The following MAST3 variants were observed in gnomAD, a reference collection of about 807,000 sequenced individuals.
MAST3 encodes the protein microtubule-associated serine/threonine-protein kinase 3.
MAST3 carries 43 observed loss-of-function variants against 127.0 expected under a neutral mutation model. That is an observed-to-expected ratio of 0.34 (90% CI 0.27 to 0.44). MAST3 has a LOEUF of 0.44. Among genes scored for constraint, MAST3 ranks in the 20% least tolerant of loss-of-function variants. The pLI is 1.00. For synonymous variants in MAST3, 785 were observed against 809.2 expected, an observed-to-expected ratio of 0.97 and a Z score of 0.51; for missense variants, 1,390 against 1,919.1, an observed-to-expected ratio of 0.72 and a Z score of 5.15.
At chr19:18,100,310 G>C (rs189989527) in intron 1 of MAST3, among the ~76,000 whole-genome samples, 146 of 151,860 alleles carry the variant, frequency 9.6e-4, no homozygotes, top group African/African-American at 3.4e-3. Flanking sequence ...ATTTTTAGTA[G>C]AGACGGGGTT....
At position 18,124,932 on chromosome 19, in the gene MAST3, C is replaced by CCCG. The variant is rs386388671; in HGVS notation, c.1078+160_1078+161insGCC. 6.9e-4 allele frequency among the ~76,000 whole-genome samples: 11 copies of CCCG among 15,952 alleles called. No individual in the cohort carries two copies. In the East Asian group the frequency reaches 7.7e-3, roughly 11 times the overall value. The allele number at this position is 15,952 out of a possible 152,430, so 10.5% of individuals were successfully genotyped here. Reference sequence around the variant, plus strand: ...ACCAGCCTGGCCAACATGGTGGAAACCCCCCCCCTACTAAAAATACAAAAA... The same window carrying CCCG: ...ACCAGCCTGGCCAACATGGTGGAAACCCGCCCCCCCCTACTAAAAATACAAAAA... On this transcript the variant is annotated intron_variant, in intron 11 of 27. Coordinates refer to ENST00000687212, the MANE Select transcript of MAST3 (RefSeq NM_001393504.1).
At chr19:18,139,482 G>A (rs1568599505) in intron 20 of MAST3, among the ~76,000 whole-genome samples, 1 of 151,628 alleles carries the variant, frequency 6.6e-6, no homozygotes, top group East Asian at 1.9e-4. Context: ...ATGCCGTCAC[G>A]CCCAGCTAAT....
intron 25 of MAST3, 147 bp downstream of exon 25, chr19:18,146,012 A>AATAC: frequency 9.7e-7 from 1 of 1,030,906 alleles, no homozygotes; most frequent in Non-Finnish European, 1.3e-6. Flanking sequence ...TTCGGCCCAG[A>AATAC]ATACATGTCC....
rs763094573 is a variant in MAST3 at position 18,124,683 on chromosome 19, T to A, written c.987T>A (p.Ala329=). Residue 329 remains alanine, a synonymous_variant, in exon 11 of 28, where the codon GCT becomes GCA. Transcript: ENST00000687212. ...PEEFYHLLEA[A]EGHAREGQGI... is the part of the protein sequence containing the mutation. ...AATTTTACCACCTGCTGGAGGCGGC[T>A]GAGGGCCATGCGCGGGAGGGCCAAG... 13 of 1,610,946 alleles carry A rather than the reference T, an allele frequency of 8.1e-6. No individual in the cohort carries two copies. The South Asian group carries it at 1.4e-4, about 18-fold the overall frequency.
chr19:18,118,910 G>C (rs996492033), intron 3 of MAST3, among the ~76,000 whole-genome samples: 2 of 152,078 alleles, frequency 1.3e-5, no homozygotes, highest in Non-Finnish European at 2.9e-5. Context: ...ACCAGCTACC[G>C]AAAGACCTTG....
intron 3 of MAST3, chr19:18,118,347 C>G (rs1349694568): frequency 2.7e-6 from 2 of 751,596 alleles, no homozygotes; most frequent in Non-Finnish European, 3.2e-6. Context: ...CGGACCACGG[C>G]GAGCGTCTGT....
At chr19:18,118,251 A>G (rs942141907) in intron 3 of MAST3, 6 of 985,272 alleles carry the variant, frequency 6.1e-6, no homozygotes, top group South Asian at 4.7e-5. Flanking sequence ...CAGCGCTCCA[A>G]GAGGTAGGGG....
intron 1 of MAST3, among the ~76,000 whole-genome samples, chr19:18,106,634 T>C (rs2038088230): frequency 6.6e-6 from 1 of 150,940 alleles, no homozygotes; most frequent in South Asian, 2.1e-4. Context: ...TGCAATGGTG[T>C]GACCTCGGCT....
intron 13 of MAST3, 77 bp downstream of exon 13, chr19:18,129,028 C>A: frequency 1.7e-6 from 2 of 1,209,954 alleles, no homozygotes; most frequent in Non-Finnish European, 2.4e-6. Context: ...GCTCCTGCAT[C>A]CCCCTCCTAC....
chr19:18,126,396 A>G (rs2040622444), intron 11 of MAST3, among the ~76,000 whole-genome samples: 1 of 152,112 alleles, frequency 6.6e-6, no homozygotes, highest in Admixed American at 6.6e-5. Flanking sequence ...GATCCAAAGG[A>G]AAGAGTGAAA....
At chr19:18,128,830 A>G (rs1275011087) in intron 12 of MAST3, 36 bp from the exon 13 acceptor site, 4 of 1,551,284 alleles carry the variant, frequency 2.6e-6, no homozygotes, top group Non-Finnish European at 8.9e-7. Flanking sequence ...CCAGCTCTGC[A>G]GCGGGGCAGG....
chr19:18,144,696 A>C lies in MAST3; in HGVS notation c.2812+3A>C. 6.2e-6 allele frequency: 10 copies of C among 1,605,838 alleles called. No individual in the cohort carries two copies. Among genetic ancestry groups the C allele is most frequent in the Non-Finnish European group, 8.5e-6 (10 of 1,179,710 alleles). On this transcript the variant is annotated splice_donor_region_variant and intron_variant, in intron 23 of 27. Coordinates refer to ENST00000687212, the MANE Select transcript of MAST3 (RefSeq NM_001393504.1). This position sits in a 1 kb window ranked among gnomAD's most constrained non-coding sequence, Gnocchi z 4.0. ...CCTGTCCCTCATCATCACGGCAGGTAATGCCCAAGGCCCCTCTCACCTTTG... is the reference window on the plus strand; with the variant it reads ...CCTGTCCCTCATCATCACGGCAGGTCATGCCCAAGGCCCCTCTCACCTTTG...
rs1474537306 is a variant in MAST3, at chr19:18,128,862, C to G, written c.1138-4C>G. 2 of 1,612,746 alleles carry G rather than the reference C, an allele frequency of 1.2e-6. No individual in the cohort carries two copies. On this transcript the variant is annotated splice_polypyrimidine_tract_variant and splice_region_variant and intron_variant, in intron 12 of 27. Transcript: ENST00000687212. ...CAGGACCCTAAGCCCTTCCCATCCCCTAGAGCCGCGCCCTGGTCGGCCAGT... is the reference window on the plus strand; with the variant it reads ...CAGGACCCTAAGCCCTTCCCATCCCGTAGAGCCGCGCCCTGGTCGGCCAGT...
At chr19:18,143,221 C>T (rs1230616962) in intron 21 of MAST3, among the ~76,000 whole-genome samples, 2 of 152,088 alleles carry the variant, frequency 1.3e-5, no homozygotes, top group African/African-American at 4.8e-5. Context: ...GTCTCAGCCT[C>T]CCAAAGTGCT....
chr19:18,098,700 C>T, intron 1 of MAST3: 2 of 456,680 alleles, frequency 4.4e-6, no homozygotes, highest in Non-Finnish European at 8.8e-6. Context: ...ACTTAGACCA[C>T]ACCCTTAAGA....
chr19:18,123,244 C>T lies in MAST3; in HGVS notation c.427C>T (p.His143Tyr). The change falls in exon 7 of 28, where the codon CAC becomes TAC. Residue 143 changes from histidine (H) to tyrosine (Y), a missense_variant. Coordinates refer to ENST00000687212, the MANE Select transcript of MAST3 (RefSeq NM_001393504.1). Reference sequence around the variant, plus strand: ...AAGCTCATCCTCCCGGGAACGTCTCCACCAGCTTCCCTTCCAGCCGACGCC... The same window carrying T: ...AAGCTCATCCTCCCGGGAACGTCTCTACCAGCTTCCCTTCCAGCCGACGCC... The part of the protein sequence containing the change: ...SSSSSSRERL[H>Y]QLPFQPTPDE... 1 of 1,613,906 alleles carries T rather than the reference C, an allele frequency of 6.2e-7. No homozygotes were observed. The highest frequency in any genetic ancestry group is 8.5e-7 in the Non-Finnish European group (1 of 1,179,886).
At chr19:18,122,008 T>A in intron 5 of MAST3, 86 bp downstream of exon 5, 1 of 1,552,062 alleles carries the variant, frequency 6.4e-7, no homozygotes, top group Non-Finnish European at 8.7e-7. Flanking sequence ...TAGACCTGGC[T>A]CCTCATTCAT....
At chr19:18,125,897 T>C (rs892051555) in intron 11 of MAST3, among the ~76,000 whole-genome samples, 6 of 141,666 alleles carry the variant, frequency 4.2e-5, no homozygotes, top group African/African-American at 1.6e-4. Context: ...CCATCTCTAC[T>C]AAAAACAAAT....
At chr19:18,119,898 T>TC (rs1396066429) in intron 3 of MAST3, among the ~76,000 whole-genome samples, 2 of 152,196 alleles carry the variant, frequency 1.3e-5, no homozygotes, top group African/African-American at 4.8e-5. Flanking sequence ...CCCCGAGACT[T>TC]CATCTCTCCC....
Sources: allele counts gnomAD v4.1 joint callset (sites outside exome capture counted in the v4.1 genomes callset), GRCh38; gene constraint gnomAD v4.1.1; non-coding constraint Gnocchi (gnomAD v3.1); transcripts MANE v1.5; gene names NCBI Gene and HGNC (gene_info 2026-07-23, HGNC 2026-07-21).